VPS8: variants seen among roughly 807,000 people sequenced by gnomAD.
The protein encoded by VPS8 is VPS8 subunit of CORVET complex.
Under a neutral mutation model 216.4 loss-of-function variants are expected in VPS8, and 129 were observed. That is an observed-to-expected ratio of 0.60 (90% CI 0.52 to 0.69). The LOEUF is 0.69. VPS8 is among the 30% of genes least tolerant of loss of function. The probability of loss-of-function intolerance (pLI) is 0.00; values close to 1 mark genes in which losing one functional copy is unlikely to be tolerated. For missense variants in VPS8, 1,531 were observed against 1,683.5 expected (o/e 0.91, Z 1.59); for synonymous variants, 571 against 565.4 (o/e 1.01, Z -0.14).
intron 25 of VPS8, among the ~76,000 whole-genome samples, chr3:184,903,956 G>A (rs1372306611): frequency 6.6e-6 from 1 of 151,834 alleles, no homozygotes; most frequent in Non-Finnish European, 1.5e-5. Flanking sequence ...TTAATGTATA[G>A]GTCATATACT....
chr3:185,051,750 A>C, intron 47 of VPS8, 126 bp from the exon 48 acceptor site: 3 of 1,208,106 alleles, frequency 2.5e-6, no homozygotes, highest in Non-Finnish European at 3.3e-6. Flanking sequence ...CCTAAGATTC[A>C]AACCCTGCAT....
intron 45 of VPS8, among the ~76,000 whole-genome samples, chr3:185,007,020 A>G (rs1430482720): frequency 1.3e-5 from 2 of 152,194 alleles, no homozygotes; most frequent in Non-Finnish European, 2.9e-5. Flanking sequence ...TGGTCAATAT[A>G]TACAACCAAT....
chr3:184,993,323 G>A (rs1752160216), intron 42 of VPS8, among the ~76,000 whole-genome samples: 1 of 151,730 alleles, frequency 6.6e-6, no homozygotes, highest in African/African-American at 2.4e-5. Flanking sequence ...TCAGTTTTTG[G>A]TGTGGTTTTT....
chr3:184,904,757 G>T (rs974303377), intron 25 of VPS8, among the ~76,000 whole-genome samples: 27 of 152,194 alleles, frequency 1.8e-4, no homozygotes, highest in African/African-American at 6.5e-4. Flanking sequence ...TTATTTTTTG[G>T]AAGAGTTTGT....
chr3:185,033,210 A>G (rs1352048201), intron 46 of VPS8, among the ~76,000 whole-genome samples: 1 of 152,216 alleles, frequency 6.6e-6, no homozygotes, highest in East Asian at 1.9e-4. Flanking sequence ...TGATAAATGT[A>G]TAATGAAATG....
chr3:184,916,362 G>A (rs904356999), intron 28 of VPS8, among the ~76,000 whole-genome samples: 2 of 152,084 alleles, frequency 1.3e-5, no homozygotes, highest in Non-Finnish European at 2.9e-5. Flanking sequence ...TTTAGCGAAA[G>A]CAGCAGGCAC....
intron 38 of VPS8, 62 bp downstream of exon 38, chr3:184,964,619 C>A: frequency 2.8e-6 from 3 of 1,088,682 alleles, no homozygotes; most frequent in Non-Finnish European, 3.8e-6. Context: ...ATTCATGAAT[C>A]CATCTTAATT....
chr3:184,869,730 A>G (rs1728001977), intron 20 of VPS8, among the ~76,000 whole-genome samples: 1 of 152,152 alleles, frequency 6.6e-6, no homozygotes, highest in African/African-American at 2.4e-5. Flanking sequence ...CTCTAAAAAA[A>G]AATAGAAAGA....
chr3:184,928,962 C>T (rs1311013533), intron 32 of VPS8, among the ~76,000 whole-genome samples: 1 of 152,004 alleles, frequency 6.6e-6, no homozygotes, highest in Non-Finnish European at 1.5e-5. Flanking sequence ...AACAGAGGAA[C>T]TTTATGTAAA....
chr3:184,912,784 C>T (rs1736798919), intron 25 of VPS8, among the ~76,000 whole-genome samples: 1 of 152,208 alleles, frequency 6.6e-6, no homozygotes, highest in Non-Finnish European at 1.5e-5. Flanking sequence ...AAGGCATACA[C>T]TTGCTTGCAT....
At chr3:184,967,221 C>A (rs1747567860) in intron 39 of VPS8, among the ~76,000 whole-genome samples, 1 of 152,114 alleles carries the variant, frequency 6.6e-6, no homozygotes, top group African/African-American at 2.4e-5. Flanking sequence ...ACCTCAGCCT[C>A]CAAAGGTGGT....
At chr3:184,939,023 C>G (rs2109310861) in intron 35 of VPS8, among the ~76,000 whole-genome samples, 1 of 139,968 alleles carries the variant, frequency 7.1e-6, no homozygotes, top group Non-Finnish European at 1.5e-5. Flanking sequence ...GAGTGAGACC[C>G]TGTCTCAAAA....
chr3:184,952,980 T>C (rs1287189292), intron 36 of VPS8, among the ~76,000 whole-genome samples: 1 of 152,226 alleles, frequency 6.6e-6, no homozygotes, highest in African/African-American at 2.4e-5. Context: ...GTTTTCTGTT[T>C]ACTCCTTAGG....
chr3:184,914,933 T>C, intron 26 of VPS8, 48 bp from the exon 27 acceptor site: 3 of 1,547,976 alleles, frequency 1.9e-6, no homozygotes, highest in Non-Finnish European at 2.7e-6. Flanking sequence ...CGCTTGAAAG[T>C]TATCCCCTTT....
intron 25 of VPS8, 167 bp downstream of exon 25, chr3:184,901,139 TAA>T (rs1734409421): frequency 1.6e-6 from 1 of 633,368 alleles, no homozygotes; most frequent in African/African-American, 1.9e-5. Context: ...CTTCTCACAC[TAA>T]AAAGTTTCCT....
chr3:184,982,247 G>A (rs1035710276), intron 40 of VPS8, among the ~76,000 whole-genome samples: 15 of 151,986 alleles, frequency 9.9e-5, no homozygotes, highest in Non-Finnish European at 1.8e-4. Flanking sequence ...CTCTTTCCTG[G>A]CTTCTTTGAA....
chr3:185,021,179 A>G (rs73067325), intron 45 of VPS8, among the ~76,000 whole-genome samples: 11,436 of 152,314 alleles, frequency 0.075, 477 homozygotes, highest in Non-Finnish European at 0.088. Flanking sequence ...CAAAGATCAC[A>G]AAAAGTTCAA....
chr3:184,953,893 G>T (rs1358101266), intron 36 of VPS8, among the ~76,000 whole-genome samples: 3 of 152,154 alleles, frequency 2.0e-5, no homozygotes, highest in Non-Finnish European at 2.9e-5. Context: ...GTTTCATTAA[G>T]TTGGTTGGGG....
At chr3:185,030,743 G>A (rs1758002600) in intron 46 of VPS8, among the ~76,000 whole-genome samples, 2 of 152,090 alleles carry the variant, frequency 1.3e-5, no homozygotes, top group East Asian at 1.9e-4. Flanking sequence ...ATTCAGGTAC[G>A]TTATAAGAAT....
Sources: allele counts gnomAD v4.1 joint callset (sites outside exome capture counted in the v4.1 genomes callset), GRCh38; gene constraint gnomAD v4.1.1; transcripts MANE v1.5; gene names NCBI Gene and HGNC (gene_info 2026-07-23, HGNC 2026-07-21).